Variants in CX3CL1 observed in about 807,000 individuals in gnomAD.
The protein encoded by CX3CL1 is fractalkine.
CX3CL1 carries 1 observed loss-of-function variant against 14.1 expected under a neutral mutation model. That is an observed-to-expected ratio of 0.07 (90% CI 0.03 to 0.34). The LOEUF is 0.34. Ranked by LOEUF, CX3CL1 falls within the 10% of genes least tolerant of loss-of-function variation. The pLI is 0.99. For synonymous variants in CX3CL1, 255 were observed against 229.6 expected (o/e 1.11, Z -1.00); for missense variants, 505 against 536.4 (o/e 0.94, Z 0.58).
chr16:57,379,388 TC>T, intron 1 of CX3CL1: 1 of 502,510 alleles, frequency 2.0e-6, no homozygotes, highest in African/African-American at 1.9e-5. Flanking sequence ...AAATAAGAAT[TC>T]ACGTTTCTTA....
chr16:57,381,960 C>G, intron 2 of CX3CL1, 70 bp from the exon 3 acceptor site: 1 of 1,459,388 alleles, frequency 6.9e-7, no homozygotes, highest in South Asian at 1.3e-5. Context: ...TGGTGCTGTG[C>G]CCCCACACCA....
chr16:57,375,319 A>G (rs1902232426), intron 1 of CX3CL1, among the ~76,000 whole-genome samples: 1 of 152,072 alleles, frequency 6.6e-6, no homozygotes, highest in Non-Finnish European at 1.5e-5. Flanking sequence ...TCAGTGAGTA[A>G]TTTTGCTCCC....
chr16:57,381,943 A>C, intron 2 of CX3CL1, 87 bp from the exon 3 acceptor site: 2 of 1,393,070 alleles, frequency 1.4e-6, no homozygotes, highest in Non-Finnish European at 1.9e-6. Flanking sequence ...GTTCACCTGC[A>C]GAGTATTGGT....
At position 57,382,725 on chromosome 16, in the gene CX3CL1, C is replaced by T; in HGVS notation, c.887C>T (p.Thr296Ile). ...GTGGTCCCTGTCTCCTCAGAAGGGA[C>T]CCCCAGCAGGGAGCCAGTGGCTTCA... ...VSVVPVSSEG[T>I]PSREPVASGS... The change falls in exon 3 of 3, where the codon ACC (threonine) becomes ATC (isoleucine). Residue 296 changes from threonine (T) to isoleucine (I), a missense_variant. Physicochemically the swap from Thr to Ile is moderately conservative, Grantham distance 89. Transcript: ENST00000006053. This position sits in a 1 kb window ranked among gnomAD's most constrained non-coding sequence, Gnocchi z 6.9. 1 of 1,612,884 alleles carries T rather than the reference C, an allele frequency of 6.2e-7. No individual in the cohort carries two copies. The highest frequency in any genetic ancestry group is 8.5e-7 in the Non-Finnish European group (1 of 1,179,612).
chr16:57,383,718 C>T lies in CX3CL1; in HGVS notation c.*686C>T, dbSNP rs1902369766. 1 of 152,910 alleles carries T rather than the reference C, an allele frequency of 6.5e-6. No homozygotes were observed. The highest frequency in any genetic ancestry group is 2.1e-4 in the South Asian group (1 of 4,836). 9.5% of individuals were successfully genotyped at this position (152,910 alleles called of 1,614,324 possible). ...TGGGTTCTGATCCTAGTTCCACCATCAAGCCACCAACATACTCCCATCTGT... is the reference window on the plus strand; with the variant it reads ...TGGGTTCTGATCCTAGTTCCACCATTAAGCCACCAACATACTCCCATCTGT... On this transcript the variant is annotated 3_prime_UTR_variant, in exon 3 of 3. Transcript: ENST00000006053.
rs1289649319 is a variant in CX3CL1 at position 57,382,325 on chromosome 16, G to A, written c.487G>A (p.Gly163Ser). The A allele has an allele frequency of 1.2e-6, 2 of 1,607,458 alleles. No individual in the cohort carries two copies. The highest frequency in any genetic ancestry group is 1.7e-6 in the Non-Finnish European group (2 of 1,177,794). The change falls in exon 3 of 3, where the codon GGT becomes AGT. Residue 163 changes from glycine (G) to serine (S), a missense_variant. By Grantham distance (56) the Gly-to-Ser change is moderately conservative (BLOSUM62 0). Transcript: ENST00000006053. The surrounding 1 kb of genome is among the most constrained non-coding windows in gnomAD (Gnocchi z 6.9). Reference protein sequence around the residue: ...TSPELPTGVTGSSGTRLPPTP... With the variant: ...TSPELPTGVTSSSGTRLPPTP... The stretch of plus-strand genomic sequence containing the variant: ...CCCAGAGCTGCCGACGGGCGTGACT[G>A]GTTCCTCAGGGACCAGGCTCCCCCC...
chr16:57,383,235 G>C lies in CX3CL1; in HGVS notation c.*203G>C, dbSNP rs1273541188. The C allele has an allele frequency of 6.9e-6, 3 of 433,434 alleles. No individual in the cohort carries two copies. In the East Asian group the frequency reaches 1.1e-4, roughly 16 times the overall value. 26.8% of individuals were successfully genotyped at this position (433,434 alleles called of 1,614,324 possible). ...CATTCTCCACCTGCCAGGGACAGAG[G>C]GGGTGGCCTCCCAACTCACCCCAGC... On this transcript the variant is annotated 3_prime_UTR_variant, in exon 3 of 3. Transcript: ENST00000006053.
chr16:57,379,610 G>A, intron 1 of CX3CL1, 24 bp from the exon 2 acceptor site: 1 of 1,614,068 alleles, frequency 6.2e-7, no homozygotes, highest in East Asian at 2.2e-5. Context: ...CATCCCTGCT[G>A]ACCAGGAACC....
intron 1 of CX3CL1, among the ~76,000 whole-genome samples, chr16:57,374,852 G>A (rs1044386436): frequency 2.0e-5 from 3 of 152,168 alleles, no homozygotes; most frequent in African/African-American, 7.2e-5. Context: ...AAAAAATAGA[G>A]AGGGGTGGCT....
rs1200907839 is a variant in CX3CL1 at position 57,378,770 on chromosome 16, A to T, written c.71-864A>T. On this transcript the variant is annotated intron_variant, in intron 1 of 2. Transcript: ENST00000006053. The stretch of plus-strand genomic sequence containing the variant: ...TGAGCCACCGCACCCGGCCAGGAGG[A>T]TTTCTTGAGCCCAGGATTTTGAGGT... 3 of 150,708 alleles carry T rather than the reference A, an allele frequency of 2.0e-5. No homozygotes were observed. The Admixed American group carries it at 2.0e-4, about 10-fold the overall frequency. The allele number at this position is 150,708 out of a possible 1,614,324, so 9.3% of individuals were successfully genotyped here. A position where few individuals can be genotyped will look rare whatever the true frequency, so the allele number is the denominator to read the frequency against.
At chr16:57,379,851 T>G (rs1902296212) in intron 2 of CX3CL1, 97 bp downstream of exon 2, 1 of 1,458,684 alleles carries the variant, frequency 6.9e-7, no homozygotes, top group Non-Finnish European at 9.4e-7. Context: ...CTCCCAGACC[T>G]GGGCTCCCAG....
rs750328440 is a variant in CX3CL1 at position 57,382,159 on chromosome 16, C to T, written c.321C>T (p.Ile107=). ...TRNGGTFEKQ[I]GEVKPRTTPA... The stretch of plus-strand genomic sequence containing the variant: ...ATGGCGGCACCTTCGAGAAGCAGAT[C>T]GGCGAGGTGAAGCCCAGGACCACCC... Residue 107 remains isoleucine (I), a synonymous_variant, in exon 3 of 3, where the codon ATC becomes ATT. Transcript: ENST00000006053. This position sits in a 1 kb window ranked among gnomAD's most constrained non-coding sequence, Gnocchi z 6.9. 18 of 1,613,738 alleles carry T rather than the reference C, an allele frequency of 1.1e-5. No homozygotes were observed. Among genetic ancestry groups the T allele is most frequent in the South Asian group, 7.7e-5 (7 of 91,074 alleles).
At chr16:57,375,767 G>C (rs1165067470) in intron 1 of CX3CL1, among the ~76,000 whole-genome samples, 9 of 152,138 alleles carry the variant, frequency 5.9e-5, no homozygotes, top group African/African-American at 2.2e-4. Context: ...AGAAGTCCTT[G>C]AGGTCCAGCC....
chr16:57,383,235 G>T lies in CX3CL1; in HGVS notation c.*203G>T, dbSNP rs1273541188. The T allele has an allele frequency of 1.2e-5, 5 of 433,316 alleles. No individual in the cohort carries two copies. In the South Asian group the frequency reaches 3.7e-4, roughly 32 times the overall value. 26.8% of individuals were successfully genotyped at this position (433,316 alleles called of 1,614,324 possible). On this transcript the variant is annotated 3_prime_UTR_variant, in exon 3 of 3. Transcript: ENST00000006053. Reference sequence around the variant, plus strand: ...CATTCTCCACCTGCCAGGGACAGAGGGGGTGGCCTCCCAACTCACCCCAGC... The same window carrying T: ...CATTCTCCACCTGCCAGGGACAGAGTGGGTGGCCTCCCAACTCACCCCAGC...
intron 2 of CX3CL1, among the ~76,000 whole-genome samples, chr16:57,380,842 G>A (rs1006973277): frequency 2.6e-5 from 4 of 152,134 alleles, no homozygotes; most frequent in South Asian, 2.1e-4. Context: ...CCTAGAGGCC[G>A]GGCAGCAGGA....
In CX3CL1 at chr16:57,384,669, G is replaced by T. The variant is rs747128853; in HGVS notation, c.*1637G>T. On this transcript the variant is annotated 3_prime_UTR_variant, in exon 3 of 3. Coordinates refer to ENST00000006053, the MANE Select transcript of CX3CL1 (RefSeq NM_002996.6). ...GACGCTGTGCTGCCCTGCCCACCTG[G>T]CCTCTGCACTCCCCTGCTGGGTGTG... The T allele has an allele frequency of 2.0e-5, 3 of 152,582 alleles. No homozygotes were observed. Among genetic ancestry groups the T allele is most frequent in the Non-Finnish European group, 2.9e-5 (2 of 68,312 alleles). 9.5% of individuals were successfully genotyped at this position (152,582 alleles called of 1,614,324 possible).
In CX3CL1 at chr16:57,382,347, C is replaced by A. The variant is rs1902336450; in HGVS notation, c.509C>A (p.Pro170His). 2 of 1,609,256 alleles carry A rather than the reference C, an allele frequency of 1.2e-6. No individual in the cohort carries two copies. Among genetic ancestry groups the A allele is most frequent in the Non-Finnish European group, 1.7e-6 (2 of 1,179,240 alleles). ...ACTGGTTCCTCAGGGACCAGGCTCC[C>A]CCCGACGCCAAAGGCTCAGGATGGA... ...GVTGSSGTRL[P>H]PTPKAQDGGP... The change falls in exon 3 of 3, where the codon CCC becomes CAC. Residue 170 changes from proline (P) to histidine (H), a missense_variant. Pro to His is a moderately conservative substitution (Grantham distance 77). Coordinates refer to ENST00000006053, the MANE Select transcript of CX3CL1 (RefSeq NM_002996.6). The surrounding 1 kb of genome is among the most constrained non-coding windows in gnomAD (Gnocchi z 6.9).
At position 57,383,131 on chromosome 16, in the gene CX3CL1, T is replaced by A. The variant is rs1193969489; in HGVS notation, c.*99T>A. On this transcript the variant is annotated 3_prime_UTR_variant, in exon 3 of 3. Transcript: ENST00000006053. ...CCCAAGGGCCTGGCCTGAGCTGGGATGATTGGAGGGGGGAGGTGGGATCCT... is the reference window on the plus strand; with the variant it reads ...CCCAAGGGCCTGGCCTGAGCTGGGAAGATTGGAGGGGGGAGGTGGGATCCT... The A allele has an allele frequency of 8.8e-7, 1 of 1,141,758 alleles. No homozygotes were observed. Among genetic ancestry groups the A allele is most frequent in the Non-Finnish European group, 1.1e-6 (1 of 871,246 alleles). The allele number at this position is 1,141,758 out of a possible 1,614,324, so 70.7% of individuals were successfully genotyped here.
chr16:57,383,132 G>T lies in CX3CL1; in HGVS notation c.*100G>T. ...CCAAGGGCCTGGCCTGAGCTGGGAT[G>T]ATTGGAGGGGGGAGGTGGGATCCTC... On this transcript the variant is annotated 3_prime_UTR_variant, in exon 3 of 3. Coordinates refer to ENST00000006053, the MANE Select transcript of CX3CL1 (RefSeq NM_002996.6). The T allele has an allele frequency of 8.9e-7, 1 of 1,125,034 alleles. No individual in the cohort carries two copies. The highest frequency in any genetic ancestry group is 1.2e-6 in the Non-Finnish European group (1 of 856,234). 69.7% of individuals were successfully genotyped at this position (1,125,034 alleles called of 1,614,324 possible).
Sources: allele counts gnomAD v4.1 joint callset (sites outside exome capture counted in the v4.1 genomes callset), GRCh38; gene constraint gnomAD v4.1.1; non-coding constraint Gnocchi (gnomAD v3.1); transcripts MANE v1.5; gene names NCBI Gene and HGNC (gene_info 2026-07-23, HGNC 2026-07-21).